The following MGMT variants were observed in gnomAD, a reference collection of about 807,000 sequenced individuals.
MGMT encodes the protein methylated-DNA--protein-cysteine methyltransferase.
MGMT carries 14 observed loss-of-function variants against 15.9 expected under a neutral mutation model. That is an observed-to-expected ratio of 0.88 (90% CI 0.58 to 1.37). The LOEUF (loss-of-function observed/expected upper bound fraction) is 1.37. Ranked by LOEUF, MGMT falls within the 40% of genes most tolerant of loss-of-function variation. The probability of loss-of-function intolerance (pLI) is 0.00; values close to 1 mark genes in which losing one functional copy is unlikely to be tolerated. For missense variants in MGMT, 282 were observed against 268.1 expected (o/e 1.05, Z -0.36); for synonymous variants, 130 against 118.2 (o/e 1.10, Z -0.65).
intron 2 of MGMT, among the ~76,000 whole-genome samples, chr10:129,548,557 C>T (rs1432049059): frequency 6.6e-6 from 1 of 152,234 alleles, no homozygotes; most frequent in African/African-American, 2.4e-5. Context: ...TTTAAATCTT[C>T]TCTAGGTAAA....
At chr10:129,736,344 T>C (rs1012352079) in intron 3 of MGMT, among the ~76,000 whole-genome samples, 6 of 151,864 alleles carry the variant, frequency 4.0e-5, no homozygotes, top group Non-Finnish European at 8.8e-5. Flanking sequence ...TTGATCTTTG[T>C]TGGTTTAAAG....
chr10:129,729,028 A>G (rs4986982), intron 3 of MGMT, among the ~76,000 whole-genome samples: 1,723 of 152,198 alleles, frequency 0.011, 28 homozygotes, highest in African/African-American at 0.037. Context: ...TGACCTTAGA[A>G]ATCCCCGCAT....
chr10:129,644,526 C>A (rs538696234), intron 2 of MGMT, among the ~76,000 whole-genome samples: 2 of 152,184 alleles, frequency 1.3e-5, no homozygotes, highest in Admixed American at 1.3e-4. Flanking sequence ...TGCAAAGGGC[C>A]CCATGAGCCC....
At chr10:129,597,484 A>G (rs540680015) in intron 2 of MGMT, among the ~76,000 whole-genome samples, 1 of 152,174 alleles carries the variant, frequency 6.6e-6, no homozygotes, top group African/African-American at 2.4e-5. Flanking sequence ...AAATAAAAAA[A>G]CAAAAAAAAA....
intron 4 of MGMT, among the ~76,000 whole-genome samples, chr10:129,764,969 C>T (rs1028601907): frequency 2.0e-5 from 3 of 152,068 alleles, no homozygotes; most frequent in Admixed American, 6.5e-5. Flanking sequence ...TAGGCATCTC[C>T]CATGTGCCTT....
intron 2 of MGMT, among the ~76,000 whole-genome samples, chr10:129,598,276 T>C (rs907678797): frequency 1.3e-5 from 2 of 152,184 alleles, no homozygotes; most frequent in African/African-American, 4.8e-5. Context: ...CTCCCTGAGA[T>C]TGAACCCTGC....
At chr10:129,710,382 GACC>G (rs1461207407) in intron 3 of MGMT, among the ~76,000 whole-genome samples, 3 of 152,218 alleles carry the variant, frequency 2.0e-5, no homozygotes, top group African/African-American at 4.8e-5. Flanking sequence ...GCTGGCTGCA[GACC>G]CAGGGTGCTG....
intron 2 of MGMT, among the ~76,000 whole-genome samples, chr10:129,679,639 G>A (rs76002428): frequency 0.092 from 13,933 of 152,198 alleles, 915 homozygotes; most frequent in Admixed American, 0.18. Flanking sequence ...TATGTTAGGT[G>A]TTAACATTCA....
intron 1 of MGMT, among the ~76,000 whole-genome samples, chr10:129,483,172 T>TA (rs1182810922): frequency 6.6e-6 from 1 of 152,226 alleles, no homozygotes; most frequent in African/African-American, 2.4e-5. Context: ...ACATGCAGAA[T>TA]AAGCACCTTA....
chr10:129,701,219 A>G (rs1028414392), intron 2 of MGMT: 1 of 152,304 alleles, frequency 6.6e-6, no homozygotes, highest in East Asian at 1.9e-4. Flanking sequence ...TCAGAGGAGC[A>G]CCTGTCTTTG....
At chr10:129,713,744 T>C (rs1245258855) in intron 3 of MGMT, among the ~76,000 whole-genome samples, 1 of 152,076 alleles carries the variant, frequency 6.6e-6, no homozygotes, top group Non-Finnish European at 1.5e-5. Context: ...GTGAGGGGTC[T>C]TCTGAGCTGG....
rs929760951 is a variant in MGMT, at chr10:129,478,608, G to A, written c.-13+11312G>A. ...CAGGGATTTTATGATTGTTGCAAAG[G>A]AAACTCAAATTGTCAGCCTTTTCCT... On this transcript the variant is annotated intron_variant, in intron 1 of 4. Transcript: ENST00000651593. 1.5e-4 allele frequency among the ~76,000 whole-genome samples: 23 copies of A among 152,372 alleles called. No homozygotes were observed. In the East Asian group the frequency reaches 2.5e-3, roughly 17 times the overall value.
At chr10:129,633,791 T>C (rs1485917688) in intron 2 of MGMT, among the ~76,000 whole-genome samples, 3 of 152,118 alleles carry the variant, frequency 2.0e-5, no homozygotes, top group Non-Finnish European at 2.9e-5. Flanking sequence ...CAAATGACAA[T>C]AGTTTTGTTT....
intron 2 of MGMT, among the ~76,000 whole-genome samples, chr10:129,550,702 T>TC (rs879844706): frequency 3.9e-5 from 6 of 152,100 alleles, no homozygotes; most frequent in Non-Finnish European, 8.8e-5. Flanking sequence ...TTCCTTAGTC[T>TC]CCCAAAGTCC....
chr10:129,487,933 G>GTATA (rs201872151), intron 1 of MGMT, among the ~76,000 whole-genome samples: 20 of 143,244 alleles, frequency 1.4e-4, no homozygotes, highest in South Asian at 6.8e-4. Flanking sequence ...GTGTGTGTGT[G>GTATA]TGTATATATA....
chr10:129,754,333 A>G (rs376392320), intron 3 of MGMT, among the ~76,000 whole-genome samples: 3 of 152,208 alleles, frequency 2.0e-5, no homozygotes, highest in East Asian at 3.9e-4. Flanking sequence ...CTAAACCTCA[A>G]TCTGGGTCCA....
At chr10:129,583,610 C>A (rs1026859648) in intron 2 of MGMT, among the ~76,000 whole-genome samples, 4 of 152,202 alleles carry the variant, frequency 2.6e-5, no homozygotes, top group African/African-American at 9.7e-5. Context: ...TTCCCAAATT[C>A]TTCTTCATTG....
intron 1 of MGMT, among the ~76,000 whole-genome samples, chr10:129,468,462 G>C (rs1392820987): frequency 1.3e-5 from 2 of 152,052 alleles, no homozygotes; most frequent in African/African-American, 4.8e-5. Context: ...CTTTCTTCCT[G>C]GGCCCTCTGT....
intron 2 of MGMT, among the ~76,000 whole-genome samples, chr10:129,612,392 A>AG (rs766726751): frequency 3.3e-5 from 5 of 152,362 alleles, no homozygotes; most frequent in Admixed American, 1.3e-4. Flanking sequence ...ACAGTCTCTC[A>AG]GGTTACATTT....
Sources: allele counts gnomAD v4.1 joint callset (sites outside exome capture counted in the v4.1 genomes callset), GRCh38; gene constraint gnomAD v4.1.1; transcripts MANE v1.5; gene names NCBI Gene and HGNC (gene_info 2026-07-23, HGNC 2026-07-21).